Variants in SV2C observed in about 807,000 individuals in gnomAD.
SV2C encodes the protein solute carrier family 22 member B3.
SV2C carries 49 observed loss-of-function variants against 79.7 expected under a neutral mutation model. That is an observed-to-expected ratio of 0.61 (90% CI 0.49 to 0.78). The LOEUF (loss-of-function observed/expected upper bound fraction) is 0.78, where lower values mean the gene tolerates loss of function less well. Ranked by LOEUF, SV2C falls within the 30% of genes least tolerant of loss-of-function variation. SV2C has a pLI of 0.00. For synonymous variants in SV2C, 334 were observed against 333.2 expected (o/e 1.00, Z -0.03); for missense variants, 833 against 912.9 (o/e 0.91, Z 1.13).
At chr5:76,147,145 G>A (rs1749462210) in intron 2 of SV2C, among the ~76,000 whole-genome samples, 1 of 152,176 alleles carries the variant, frequency 6.6e-6, no homozygotes, top group South Asian at 2.1e-4. Flanking sequence ...GGTGATGGCT[G>A]ACAGCATTGT....
At position 76,327,731 on chromosome 5, in the gene SV2C, C is replaced by T. The variant is rs562790127; in HGVS notation, c.*2184C>T. 2 of 152,238 alleles carry T rather than the reference C, an allele frequency of 1.3e-5. No homozygotes were observed. The highest frequency in any genetic ancestry group is 2.9e-5 in the Non-Finnish European group (2 of 68,040). The allele number at this position is 152,238 out of a possible 1,614,324, so 9.4% of individuals were successfully genotyped here. A position where few individuals can be genotyped will look rare whatever the true frequency, so the allele number is the denominator to read the frequency against. ...TAGTCCTCTGTGATAGTTCACTTTG[C>T]TAACTAGACTACCTTTACTTTTCAA... is the stretch of plus-strand genomic sequence containing the variant. On this transcript the variant is annotated 3_prime_UTR_variant, in exon 13 of 13. Transcript: ENST00000502798.
chr5:75,906,450 CT>C, the SV2C span, among the ~76,000 whole-genome samples: 3 of 147,180 alleles, frequency 2.0e-5, no homozygotes, highest in Non-Finnish European at 3.0e-5. Flanking sequence ...TTTTTTTTTC[CT>C]AATCATGGAC....
At chr5:75,942,049 C>T in the SV2C span, among the ~76,000 whole-genome samples, 2 of 152,152 alleles carry the variant, frequency 1.3e-5, no homozygotes, top group Admixed American at 6.5e-5. Flanking sequence ...AATGAATTCT[C>T]TATAAAAGGC....
the SV2C span, among the ~76,000 whole-genome samples, chr5:76,062,419 C>A: frequency 6.6e-6 from 1 of 152,020 alleles, no homozygotes; most frequent in Non-Finnish European, 1.5e-5. Flanking sequence ...CTACAAGGCA[C>A]CATCTTGGAA....
the SV2C span, among the ~76,000 whole-genome samples, chr5:75,954,629 G>A: frequency 8.7e-5 from 13 of 149,806 alleles, no homozygotes; most frequent in East Asian, 2.0e-4. Flanking sequence ...TGACATGATT[G>A]TATATCTAGA....
the SV2C span, among the ~76,000 whole-genome samples, chr5:75,991,640 A>G: frequency 1.3e-5 from 2 of 149,260 alleles, no homozygotes; most frequent in Admixed American, 6.7e-5. Context: ...ATATATATAT[A>G]GATATATATT....
At chr5:75,898,075 A>G in the SV2C span, among the ~76,000 whole-genome samples, 1,996 of 151,202 alleles carry the variant, frequency 0.013, 17 homozygotes, top group African/African-American at 0.035. Flanking sequence ...TCTCCTGCCT[A>G]ATTGCCCTGG....
chr5:76,050,123 C>T, the SV2C span, among the ~76,000 whole-genome samples: 2 of 152,132 alleles, frequency 1.3e-5, no homozygotes, highest in Non-Finnish European at 2.9e-5. Flanking sequence ...GAAATAATGC[C>T]CAACACATAG....
rs747975655 is a variant in SV2C, at chr5:76,132,023, G to T, written c.273G>T (p.Gly91=). Residue 91 remains glycine (G), a synonymous_variant, in exon 2 of 13, where the codon GGG becomes GGT. Transcript: ENST00000502798. ...GHDEDDEIYE[G]EYQGIPSMNQ... ...ATGAAGATGATGAGATCTATGAGGGGGAGTATCAGGGCATCCCCAGTATGA... is the reference window on the plus strand; with the variant it reads ...ATGAAGATGATGAGATCTATGAGGGTGAGTATCAGGGCATCCCCAGTATGA... 6.2e-7 allele frequency: 1 copy of T among 1,612,856 alleles called. No individual in the cohort carries two copies. The highest frequency in any genetic ancestry group is 8.5e-7 in the Non-Finnish European group (1 of 1,179,366).
intron 2 of SV2C, among the ~76,000 whole-genome samples, chr5:76,144,337 C>T (rs1749353342): frequency 6.6e-6 from 1 of 152,154 alleles, no homozygotes; most frequent in South Asian, 2.1e-4. Context: ...ATCCAACTTA[C>T]CTTGTGGGGC....
the SV2C span, among the ~76,000 whole-genome samples, chr5:76,065,195 T>G: frequency 6.6e-6 from 1 of 152,196 alleles, no homozygotes; most frequent in Non-Finnish European, 1.5e-5. Flanking sequence ...AAATAGAAAC[T>G]TTTGTGGTTT....
the SV2C span, among the ~76,000 whole-genome samples, chr5:75,884,148 G>C: frequency 6.6e-6 from 1 of 152,150 alleles, no homozygotes; most frequent in Non-Finnish European, 1.5e-5. Flanking sequence ...ATAACCCTGT[G>C]AACTAACCAT....
chr5:76,193,555 T>C lies in SV2C; in HGVS notation c.581-1364T>C, dbSNP rs917272762. Among the ~76,000 whole-genome samples the C allele has an allele frequency of 3.3e-5, 5 of 152,334 alleles. No individual in the cohort carries two copies. The East Asian group carries it at 9.6e-4, about 29-fold the overall frequency. On this transcript the variant is annotated intron_variant, in intron 2 of 12. Transcript: ENST00000502798. ...CAGTGGAAATATTCAAAATAATTAA[T>C]AACAAGGATAGCCAGGGAATCAAAA...
At chr5:75,987,857 C>A in the SV2C span, among the ~76,000 whole-genome samples, 1 of 151,948 alleles carries the variant, frequency 6.6e-6, no homozygotes, top group Non-Finnish European at 1.5e-5. Flanking sequence ...TCAGAGTGGG[C>A]TGGTTCTAGT....
chr5:75,974,925 T>C, the SV2C span, among the ~76,000 whole-genome samples: 1 of 152,244 alleles, frequency 6.6e-6, no homozygotes, highest in East Asian at 1.9e-4. Context: ...AAAAAACTTG[T>C]CAAAGTCACA....
chr5:76,037,318 G>A, the SV2C span, among the ~76,000 whole-genome samples: 1 of 152,168 alleles, frequency 6.6e-6, no homozygotes, highest in South Asian at 2.1e-4. Context: ...GAGGAGAGGC[G>A]CTCTGCTTTT....
intron 12 of SV2C, among the ~76,000 whole-genome samples, chr5:76,323,831 G>T (rs1748903713): frequency 6.6e-6 from 1 of 152,100 alleles, no homozygotes; most frequent in East Asian, 1.9e-4. Context: ...AATGAGAGTT[G>T]AACAATGACA....
intron 2 of SV2C, among the ~76,000 whole-genome samples, chr5:76,152,167 C>G (rs1749625929): frequency 1.3e-5 from 2 of 152,102 alleles, no homozygotes; most frequent in South Asian, 4.2e-4. Flanking sequence ...CAGGCAGTGG[C>G]CATGAGAAAG....
At chr5:76,174,615 T>C (rs1743465391) in intron 2 of SV2C, among the ~76,000 whole-genome samples, 1 of 152,150 alleles carries the variant, frequency 6.6e-6, no homozygotes, top group African/African-American at 2.4e-5. Context: ...AGTGAATACG[T>C]CAAATTTTTT....
Sources: allele counts gnomAD v4.1 joint callset (sites outside exome capture counted in the v4.1 genomes callset), GRCh38; gene constraint gnomAD v4.1.1; transcripts MANE v1.5; gene names NCBI Gene and HGNC (gene_info 2026-07-23, HGNC 2026-07-21).